ATAD2: variants seen among roughly 807,000 people sequenced by gnomAD.
The protein encoded by ATAD2 is ATPase family AAA domain containing 2.
Under a neutral mutation model 168.9 loss-of-function variants are expected in ATAD2, and 62 were observed. That is an observed-to-expected ratio of 0.37 (90% CI 0.30 to 0.45). ATAD2 has a LOEUF of 0.45. Ranked by LOEUF, ATAD2 falls within the 20% of genes least tolerant of loss-of-function variation. The probability of loss-of-function intolerance (pLI) is 1.00; values close to 1 mark genes in which losing one functional copy is unlikely to be tolerated. For synonymous variants in ATAD2, 613 were observed against 571.6 expected (o/e 1.07, Z -1.03); for missense variants, 1,419 against 1,667.8 (o/e 0.85, Z 2.60).
intron 1 of ATAD2, among the ~76,000 whole-genome samples, chr8:123,383,641 C>T (rs1029339073): frequency 2.6e-5 from 4 of 152,216 alleles, no homozygotes; most frequent in Admixed American, 6.5e-5. Flanking sequence ...GGCGAGGTGG[C>T]GCATGCCTGT....
At chr8:123,353,536 GCTC>G (rs1381073704) in intron 13 of ATAD2, among the ~76,000 whole-genome samples, 1 of 151,908 alleles carries the variant, frequency 6.6e-6, no homozygotes, top group African/African-American at 2.4e-5. Flanking sequence ...CTCAAAATTG[GCTC>G]CTATGTCATT....
chr8:123,321,661 G>A (rs1317208999), intron 27 of ATAD2, among the ~76,000 whole-genome samples: 1 of 152,032 alleles, frequency 6.6e-6, no homozygotes, highest in Non-Finnish European at 1.5e-5. Context: ...GGCCAGGCAT[G>A]GTGGCTCCTG....
chr8:123,347,897 T>C (rs1828304766), intron 15 of ATAD2: 1 of 364,266 alleles, frequency 2.7e-6, no homozygotes, highest in South Asian at 3.1e-5. Context: ...TAATAATATA[T>C]TGTATTTTGT....
chr8:123,339,547 G>T (rs1295733718), intron 19 of ATAD2, 101 bp from the exon 20 acceptor site: 1 of 1,121,464 alleles, frequency 8.9e-7, no homozygotes, highest in Admixed American at 2.8e-5. Flanking sequence ...CAGCATGAAA[G>T]TGACATGTAT....
At chr8:123,370,148 A>C (rs1829108089) in intron 6 of ATAD2, 124 bp from the exon 7 acceptor site, 3 of 875,772 alleles carry the variant, frequency 3.4e-6, no homozygotes, top group South Asian at 1.8e-5. Context: ...AAAAAAAAAA[A>C]ACAACAAAAA....
chr8:123,341,852 C>T (rs574221191), intron 19 of ATAD2, among the ~76,000 whole-genome samples: 33 of 152,184 alleles, frequency 2.2e-4, no homozygotes, highest in African/African-American at 7.9e-4. Context: ...GAAAACAGGC[C>T]GAGCACAGTG....
At position 123,402,098 on chromosome 8, in the gene ATAD2, C is replaced by T. The variant is rs552083306; in HGVS notation, c.-2281-923G>A. On this transcript the variant is annotated intron_variant, in intron 1 of 28. Transcript: ENST00000521903. The surrounding 1 kb of genome is among the most constrained non-coding windows in gnomAD (Gnocchi z 4.8). ...CCATGGCCTGCACTCTTAGGAGAAG[C>T]GGCTGTACTGACAGCAGTGGAGGCC... The T allele has an allele frequency of 2.5e-5, 28 of 1,127,904 alleles. No homozygotes were observed. The East Asian group carries it at 4.1e-4, about 16-fold the overall frequency. 69.9% of individuals were successfully genotyped at this position (1,127,904 alleles called of 1,614,324 possible).
At chr8:123,401,681 G>C in intron 1 of ATAD2, 1 of 777,092 alleles carries the variant, frequency 1.3e-6, no homozygotes, top group Non-Finnish European at 2.3e-6. Flanking sequence ...CCTGACTGTG[G>C]GGCACGTCAA....
intron 24 of ATAD2, 70 bp from the exon 25 acceptor site, chr8:123,328,649 C>A: frequency 1.4e-6 from 2 of 1,407,152 alleles, no homozygotes; most frequent in South Asian, 3.2e-5. Context: ...GAGTGAAAAA[C>A]CCTGATATAT....
intron 8 of ATAD2, among the ~76,000 whole-genome samples, chr8:123,363,293 T>C (rs1254993686): frequency 6.6e-6 from 1 of 152,216 alleles, no homozygotes; most frequent in Non-Finnish European, 1.5e-5. Context: ...TTCTATTTTG[T>C]CCCACTTACT....
chr8:123,330,490 G>A (rs545207356), intron 24 of ATAD2, among the ~76,000 whole-genome samples: 49 of 151,996 alleles, frequency 3.2e-4, no homozygotes, highest in Middle Eastern at 6.8e-3. Context: ...TCAGCCTCCC[G>A]AGTAGCTGGA....
At chr8:123,403,265 AT>A (rs528690869) in intron 1 of ATAD2, among the ~76,000 whole-genome samples, 1 of 151,472 alleles carries the variant, frequency 6.6e-6, no homozygotes, top group Non-Finnish European at 1.5e-5. Flanking sequence ...CTCCCAGCTA[AT>A]TTTTTGTATT....
At chr8:123,351,103 C>T (rs918831698) in intron 13 of ATAD2, among the ~76,000 whole-genome samples, 4 of 152,046 alleles carry the variant, frequency 2.6e-5, no homozygotes, top group South Asian at 2.1e-4. Context: ...GAAGATACCA[C>T]GTAATTCCTA....
At position 123,341,381 on chromosome 8, in the gene ATAD2, G is replaced by A. The variant is rs759649599; in HGVS notation, c.2719-1935C>T. Among the ~76,000 whole-genome samples the A allele has an allele frequency of 3.9e-4, 59 of 151,988 alleles. 1 individual carries two copies. Among genetic ancestry groups the A allele is most frequent in the Non-Finnish European group, 5.4e-4 (37 of 67,992 alleles). On this transcript the variant is annotated intron_variant, in intron 19 of 27. Transcript: ENST00000287394. ...ACCTAGTTTGTCTTACTTGTTACCC[G>A]GAGCATAAAGCCATTATCTTTATTT...
chr8:123,344,965 T>C lies in ATAD2; in HGVS notation c.2637A>G (p.Thr879=). ...CAAATGAAGGAATATTCTGTAATAATGTGGTAAATGTGGCTTTAAGTGTCG... is the reference window on the plus strand; with the variant it reads ...CAAATGAAGGAATATTCTGTAATAACGTGGTAAATGTGGCTTTAAGTGTCG... The part of the protein sequence containing the change: ...VGPTLKATFT[T]LLQNIPSFAP... Residue 879 remains threonine, a synonymous_variant, in exon 19 of 28, where the codon ACA becomes ACG. Transcript: ENST00000287394. 1 of 1,614,086 alleles carries C rather than the reference T, an allele frequency of 6.2e-7. No homozygotes were observed. The highest frequency in any genetic ancestry group is 1.1e-5 in the South Asian group (1 of 91,086).
chr8:123,363,065 T>C (rs2129675053), intron 8 of ATAD2, among the ~76,000 whole-genome samples: 1 of 152,328 alleles, frequency 6.6e-6, no homozygotes, highest in Non-Finnish European at 1.5e-5. Context: ...AAGAGTCTGG[T>C]TGGGAAGAAC....
upstream of ATAD2, among the ~76,000 whole-genome samples, chr8:123,398,210 G>A (rs1401656661): frequency 6.7e-6 from 1 of 149,032 alleles, no homozygotes; most frequent in African/African-American, 2.5e-5. Context: ...CTTTTTTTTT[G>A]AGAGAGGTTC....
At chr8:123,395,775 G>A (rs1812794067) in intron 1 of ATAD2, among the ~76,000 whole-genome samples, 1 of 151,986 alleles carries the variant, frequency 6.6e-6, no homozygotes, top group African/African-American at 2.4e-5. Context: ...CCCCCCCAAC[G>A]TTTATGGCGC....
upstream of ATAD2, chr8:123,401,015 C>G (rs1812988928): frequency 6.5e-7 from 1 of 1,532,932 alleles, no homozygotes; most frequent in African/African-American, 1.4e-5. Flanking sequence ...ATCACTGAGA[C>G]AGGCACCATG....
Sources: gnomAD v4.1 joint callset for allele counts (sites outside exome capture counted in the v4.1 genomes callset) on GRCh38, gnomAD v4.1.1 for gene constraint, Gnocchi (gnomAD v3.1) non-coding constraint, MANE v1.5 for transcripts, NCBI Gene and HGNC (gene_info 2026-07-23, HGNC 2026-07-21) for gene names.